The following UBXN11 variants were observed in gnomAD, a reference collection of about 807,000 sequenced individuals.
UBXN11 encodes the protein UBX domain protein 11.
Under a neutral mutation model 62.8 loss-of-function variants are expected in UBXN11, and 47 were observed. The ratio of observed to expected loss-of-function variants is 0.75; its 90% CI spans 0.59 to 0.95. The LOEUF is 0.95. UBXN11 is among the 40% of genes least tolerant of loss of function. UBXN11 has a pLI of 0.00. For missense variants in UBXN11, 638 were observed against 661.7 expected, an observed-to-expected ratio of 0.96 and a Z score of 0.39; for synonymous variants, 294 against 267.0, an observed-to-expected ratio of 1.10 and a Z score of -0.99.
At chr1:26,285,284 T>TTC in intron 10 of UBXN11, 180 bp downstream of exon 10, 10 of 1,397,984 alleles carry the variant, frequency 7.2e-6, no homozygotes, top group Non-Finnish European at 9.3e-6. Context: ...GCTGCTCTGT[T>TTC]TCGGGCCTCT....
At chr1:26,311,990 C>CT (rs2073748863) in intron 1 of UBXN11, among the ~76,000 whole-genome samples, 1 of 152,204 alleles carries the variant, frequency 6.6e-6, no homozygotes, top group Non-Finnish European at 1.5e-5. Context: ...TCATCTACAG[C>CT]TTAGCCTGAT....
At chr1:26,294,477 G>T in intron 7 of UBXN11, 146 bp from the exon 8 acceptor site, 1 of 1,292,064 alleles carries the variant, frequency 7.7e-7, no homozygotes, top group Non-Finnish European at 1.0e-6. Flanking sequence ...GGGGGATCTT[G>T]CCATTTCCTG....
intron 9 of UBXN11, 70 bp downstream of exon 9, chr1:26,285,753 C>T (rs1178442755): frequency 6.6e-7 from 1 of 1,521,044 alleles, no homozygotes; most frequent in African/African-American, 1.4e-5. Flanking sequence ...GGTGAGCTGG[C>T]TTCATCATCC....
chr1:26,305,441 G>A (rs140817156), intron 1 of UBXN11, among the ~76,000 whole-genome samples: 184 of 151,830 alleles, frequency 1.2e-3, no homozygotes, highest in African/African-American at 4.2e-3. Context: ...GAACATTTTC[G>A]TCAGCCTAAA....
At chr1:26,304,015 C>T (rs190005889) in intron 1 of UBXN11, among the ~76,000 whole-genome samples, 1 of 152,318 alleles carries the variant, frequency 6.6e-6, no homozygotes, top group East Asian at 1.9e-4. Context: ...CCTCGACCTC[C>T]CAAAGTGCTG....
At chr1:26,313,319 C>A (rs2073761738) in intron 1 of UBXN11, among the ~76,000 whole-genome samples, 2 of 152,194 alleles carry the variant, frequency 1.3e-5, no homozygotes, top group South Asian at 4.1e-4. Context: ...ATCTAAGGTG[C>A]TTTGCATGCC....
chr1:26,294,913 T>A (rs1318763020), intron 7 of UBXN11, among the ~76,000 whole-genome samples: 1 of 152,214 alleles, frequency 6.6e-6, no homozygotes, highest in African/African-American at 2.4e-5. Context: ...CTGTCTATCT[T>A]TCACCATCTG....
intron 1 of UBXN11, 84 bp downstream of exon 1, chr1:26,306,508 G>C (rs557207013): frequency 6.6e-6 from 1 of 152,386 alleles, no homozygotes; most frequent in African/African-American, 2.4e-5. Flanking sequence ...TCCTGTGGGA[G>C]CCGCGGAGCT....
intron 7 of UBXN11, among the ~76,000 whole-genome samples, chr1:26,296,044 T>C (rs1447892843): frequency 6.6e-6 from 1 of 152,254 alleles, no homozygotes; most frequent in Non-Finnish European, 1.5e-5. Flanking sequence ...GGAGGTTTGC[T>C]GCCAAGGTTT....
intron 8 of UBXN11, among the ~76,000 whole-genome samples, chr1:26,289,657 CAAGTG>C: frequency 6.6e-6 from 1 of 152,282 alleles, no homozygotes; most frequent in East Asian, 1.9e-4. Flanking sequence ...GGCTCAGACT[CAAGTG>C]AAGAAGACGG....
At chr1:26,290,078 T>C (rs1416910223) in intron 8 of UBXN11, among the ~76,000 whole-genome samples, 1 of 152,180 alleles carries the variant, frequency 6.6e-6, no homozygotes, top group Non-Finnish European at 1.5e-5. Flanking sequence ...GCCCCTGCCA[T>C]TGAGCTACGC....
At chr1:26,301,059 G>A (rs1016543635) in intron 3 of UBXN11, 35 bp from the exon 4 acceptor site, 21 of 1,613,954 alleles carry the variant, frequency 1.3e-5, no homozygotes, top group Non-Finnish European at 1.7e-5. Context: ...CCGCTCTGGG[G>A]CGGAGACCCA....
chr1:26,285,366 CAGCGG>C (rs768723617), intron 10 of UBXN11, 93 bp downstream of exon 10: 573 of 1,548,844 alleles, frequency 3.7e-4, no homozygotes, highest in Non-Finnish European at 4.8e-4. Flanking sequence ...CCAGGGAGTG[CAGCGG>C]CTTCCCCTCA....
At chr1:26,316,790 GGGCCCTCACA>G (rs1387932256) in intron 1 of UBXN11, among the ~76,000 whole-genome samples, 9 of 142,692 alleles carry the variant, frequency 6.3e-5, no homozygotes, top group Non-Finnish European at 1.5e-5. Flanking sequence ...ACCCCTCCCT[GGGCCCTCACA>G]GCCACTCTCT....
upstream of UBXN11, chr1:26,306,834 G>GT (rs534727835): frequency 2.5e-5 from 1 of 40,110 alleles, no homozygotes; most frequent in Non-Finnish European, 8.6e-5. Flanking sequence ...CGGGGTGGGG[G>GT]GGGGGGGTGG....
At chr1:26,295,680 C>T (rs577266771) in intron 7 of UBXN11, among the ~76,000 whole-genome samples, 20 of 151,056 alleles carry the variant, frequency 1.3e-4, no homozygotes, top group African/African-American at 4.6e-4. Flanking sequence ...ATGTCACCCC[C>T]GCAGGTGGTC....
chr1:26,292,815 T>C (rs1449805119), intron 8 of UBXN11, among the ~76,000 whole-genome samples: 2 of 151,704 alleles, frequency 1.3e-5, no homozygotes, highest in African/African-American at 4.8e-5. Context: ...GATTGTGCCA[T>C]TGCACTCTAG....
chr1:26,287,119 T>C (rs1372957501), intron 8 of UBXN11, among the ~76,000 whole-genome samples: 2 of 152,002 alleles, frequency 1.3e-5, no homozygotes, highest in Admixed American at 6.6e-5. Context: ...GGGCTGACTC[T>C]CAAGTCTGTT....
chr1:26,305,053 T>C (rs535494665), intron 1 of UBXN11, among the ~76,000 whole-genome samples: 103 of 152,226 alleles, frequency 6.8e-4, no homozygotes, highest in African/African-American at 2.3e-3. Flanking sequence ...ATTAGGAAAA[T>C]AGTACAGAAA....
Sources: allele counts gnomAD v4.1 joint callset (sites outside exome capture counted in the v4.1 genomes callset), GRCh38; gene constraint gnomAD v4.1.1; transcripts MANE v1.5; gene names NCBI Gene and HGNC (gene_info 2026-07-23, HGNC 2026-07-21).